SBK1: variants seen among roughly 807,000 people sequenced by gnomAD.
SBK1 encodes the protein SH3 domain binding kinase 1, also known as serine/threonine-protein kinase SBK1.
In SBK1, 11 loss-of-function variants were observed where a neutral mutation model predicts 24.4. That is an observed-to-expected ratio of 0.45 (90% CI 0.28 to 0.75). The LOEUF (loss-of-function observed/expected upper bound fraction) is 0.75, where lower values mean the gene tolerates loss of function less well. Among genes scored for constraint, SBK1 ranks in the 30% least tolerant of loss-of-function variants. The pLI is 0.12. For synonymous variants in SBK1, 308 were observed against 284.4 expected, an observed-to-expected ratio of 1.08 and a Z score of -0.83; for missense variants, 467 against 620.5, an observed-to-expected ratio of 0.75 and a Z score of 2.63.
At chr16:28,303,507 C>CTTTTTTTTTTTTTTTTTTTTTTTTTT (rs143613970) in intron 1 of SBK1, among the ~76,000 whole-genome samples, 9 of 58,078 alleles carry the variant, frequency 1.5e-4, no homozygotes, top group Non-Finnish European at 2.1e-4. Context: ...CTTTTCTTTT[C>CTTTTTTTTTTTTTTTTTTTTTTTTTT]TTTTTTTTTT....
rs796653477 is a variant in SBK1 at position 28,322,947 on chromosome 16, T to G, written c.*2026T>G. ...CTCTCTCTCCCTCTCTCTCTCTCTC[T>G]CTCTCTCTCTCTCTCTCTCTCTCTC... On this transcript the variant is annotated 3_prime_UTR_variant, in exon 4 of 4. Transcript: ENST00000341901. The G allele has an allele frequency of 2.3e-5, 3 of 132,108 alleles. No individual in the cohort carries two copies. The highest frequency in any genetic ancestry group is 2.2e-4 in the East Asian group (1 of 4,488). 8.2% of individuals were successfully genotyped at this position (132,108 alleles called of 1,614,324 possible).
chr16:28,309,392 C>G (rs891959460), intron 1 of SBK1, among the ~76,000 whole-genome samples: 1 of 152,188 alleles, frequency 6.6e-6, no homozygotes, highest in African/African-American at 2.4e-5. Flanking sequence ...AGAGGACACA[C>G]GCGTTGCTGA....
upstream of SBK1, among the ~76,000 whole-genome samples, chr16:28,290,064 T>G: frequency 7.0e-6 from 1 of 143,510 alleles, no homozygotes; most frequent in Admixed American, 7.1e-5. Flanking sequence ...CCAACCTTGG[T>G]GACAAAGTGA....
rs1215781873 is a variant in SBK1, at chr16:28,321,035, G to C, written c.*114G>C. The stretch of plus-strand genomic sequence containing the variant: ...CCGCGGGGCAGGGGGCGCAGCGGTA[G>C]ACTAGGCAGGACGCGGCCCGGCACC... On this transcript the variant is annotated 3_prime_UTR_variant, in exon 4 of 4. Transcript: ENST00000341901. 1 of 992,642 alleles carries C rather than the reference G, an allele frequency of 1.0e-6. No individual in the cohort carries two copies. The highest frequency in any genetic ancestry group is 1.8e-5 in the African/African-American group (1 of 56,688). 61.5% of individuals were successfully genotyped at this position (992,642 alleles called of 1,614,324 possible).
chr16:28,305,733 G>C (rs2044712250), intron 1 of SBK1, among the ~76,000 whole-genome samples: 1 of 151,258 alleles, frequency 6.6e-6, no homozygotes, highest in Non-Finnish European at 1.5e-5. Context: ...GTTTCAACAT[G>C]TTCCACCATG....
intron 1 of SBK1, among the ~76,000 whole-genome samples, chr16:28,307,239 T>C (rs1312043605): frequency 6.6e-6 from 1 of 152,154 alleles, no homozygotes; most frequent in Admixed American, 6.5e-5. Flanking sequence ...AATGAACTCA[T>C]CTAATCCCCA....
At chr16:28,275,931 G>A (rs1383343638) in intron 1 of SBK1, among the ~76,000 whole-genome samples, 3 of 151,744 alleles carry the variant, frequency 2.0e-5, no homozygotes, top group Non-Finnish European at 4.4e-5. Context: ...GGAAGGAAAG[G>A]GTAAAGAAAA....
intron 1 of SBK1, among the ~76,000 whole-genome samples, chr16:28,265,144 C>T (rs957498630): frequency 4.6e-5 from 7 of 151,746 alleles, no homozygotes; most frequent in East Asian, 1.9e-4. Context: ...AGGACTTGTG[C>T]GATGGCTCAC....
rs61561185 is a variant in SBK1 at position 28,300,310 on chromosome 16, TTTTGTTTGTTTG to T, written c.-8+7027_-8+7038del. On this transcript the variant is annotated intron_variant, in intron 1 of 3. Transcript: ENST00000341901. ...ATCACTTAAGCTTCCTATCTCTCTT[TTTTGTTTGTTTG>T]TTTGTTTGTTTGTTTGAGATGGGAT... 1.9e-4 allele frequency among the ~76,000 whole-genome samples: 29 copies of T among 150,648 alleles called. No individual in the cohort carries two copies. The East Asian group carries it at 4.3e-3, about 22-fold the overall frequency.
chr16:28,279,602 G>A (rs540712196), intron 1 of SBK1, among the ~76,000 whole-genome samples: 2 of 152,234 alleles, frequency 1.3e-5, no homozygotes, highest in South Asian at 4.2e-4. Context: ...TCCATCATGG[G>A]AGCCGTGGTT....
At chr16:28,309,365 C>T (rs770323819) in intron 1 of SBK1, among the ~76,000 whole-genome samples, 8 of 152,114 alleles carry the variant, frequency 5.3e-5, no homozygotes, top group Non-Finnish European at 8.8e-5. Flanking sequence ...CTCTCCAGCC[C>T]GACTTTGTAG....
Position 28,318,987 on chromosome 16 carries a change from C to T in SBK1, c.227-8C>T. ...GGGCTTCAACCCTGTTGCTGTTGCT[C>T]CCATCAGGCACAAAAATGGCACTGA... On this transcript the variant is annotated splice_polypyrimidine_tract_variant and splice_region_variant and intron_variant, in intron 2 of 3. Transcript: ENST00000341901. 1.2e-6 allele frequency: 2 copies of T among 1,612,650 alleles called. No individual in the cohort carries two copies. The highest frequency in any genetic ancestry group is 2.2e-5 in the South Asian group (2 of 91,028).
At position 28,317,694 on chromosome 16, in the gene SBK1, C is replaced by A; in HGVS notation, c.226+77C>A. The A allele has an allele frequency of 2.0e-6, 2 of 1,016,930 alleles. No individual in the cohort carries two copies. Among genetic ancestry groups the A allele is most frequent in the Non-Finnish European group, 3.0e-6 (2 of 656,462 alleles). 63.0% of individuals were successfully genotyped at this position (1,016,930 alleles called of 1,614,324 possible). On this transcript the variant is annotated intron_variant, in intron 2 of 3. Transcript: ENST00000341901. This position sits in a 1 kb window ranked among gnomAD's most constrained non-coding sequence, Gnocchi z 4.2. The stretch of plus-strand genomic sequence containing the variant: ...GGAGGTCAGGGTTGGGGGACATGAC[C>A]TTGCAGCTGGGCCGGGGCTCTCTGG...
chr16:28,307,111 C>T lies in SBK1; in HGVS notation c.-7-10274C>T, dbSNP rs868703455. Among the ~76,000 whole-genome samples, 32 of 152,220 alleles carry T rather than the reference C, an allele frequency of 2.1e-4. No individual in the cohort carries two copies. In the South Asian group the frequency reaches 3.5e-3, roughly 17 times the overall value. The stretch of plus-strand genomic sequence containing the variant: ...GGGGGTGGCTGTGAGTAACAGCGGC[C>T]GCTGTGAACAGAGAGGCTGGGGGTG... On this transcript the variant is annotated intron_variant, in intron 1 of 3. Transcript: ENST00000341901.
At chr16:28,310,781 A>G (rs2044748912) in intron 1 of SBK1, among the ~76,000 whole-genome samples, 1 of 152,076 alleles carries the variant, frequency 6.6e-6, no homozygotes. Context: ...TCCTGTGTGA[A>G]TGTTGGTTCC....
Position 28,317,784 on chromosome 16 carries a change from CA to C in SBK1, c.226+168del, listed in dbSNP as rs1285627792. 6.6e-6 allele frequency among the ~76,000 whole-genome samples: 1 copy of C among 151,948 alleles called. No individual in the cohort carries two copies. Among genetic ancestry groups the C allele is most frequent in the Admixed American group, 6.6e-5 (1 of 15,260 alleles). ...GTAGAGGATGAGGCCTGAGGCAGCCCAGGGGGAAAGAGACTGGGCAGATGGG... is the reference window on the plus strand; with the variant it reads ...GTAGAGGATGAGGCCTGAGGCAGCCCGGGGGAAAGAGACTGGGCAGATGGG... On this transcript the variant is annotated intron_variant, in intron 2 of 3. Transcript: ENST00000341901. This position sits in a 1 kb window ranked among gnomAD's most constrained non-coding sequence, Gnocchi z 4.2.
In SBK1 at chr16:28,310,274, A is replaced by G. The variant is rs374017062; in HGVS notation, c.-7-7111A>G. On this transcript the variant is annotated intron_variant, in intron 1 of 3. Transcript: ENST00000341901. Reference sequence around the variant, plus strand: ...TGACAGCCCGGCGTGAACAGAGGTCAGAGAGGCCTCCGCTGCCTGGTGCTG... The same window carrying G: ...TGACAGCCCGGCGTGAACAGAGGTCGGAGAGGCCTCCGCTGCCTGGTGCTG... Among the ~76,000 whole-genome samples the G allele has an allele frequency of 3.9e-5, 6 of 152,342 alleles. No homozygotes were observed. The East Asian group carries it at 9.6e-4, about 24-fold the overall frequency.
At position 28,261,901 on chromosome 16, in the gene SBK1, T is replaced by C. The variant is rs1346019517; in HGVS notation, c.257+2399T>C. Among the ~76,000 whole-genome samples, 3 of 152,134 alleles carry C rather than the reference T, an allele frequency of 2.0e-5. No homozygotes were observed. In the East Asian group the frequency reaches 5.8e-4, roughly 29 times the overall value. ...CCCACCTCTGATTCTGGGGACTCTCTGTAGGGGATGTCTCTCTGCCTCCTG... is the reference window on the plus strand; with the variant it reads ...CCCACCTCTGATTCTGGGGACTCTCCGTAGGGGATGTCTCTCTGCCTCCTG... On this transcript the variant is annotated intron_variant, in intron 1 of 3. Transcript: ENST00000671413.
At chr16:28,299,169 C>A (rs2044662285) in intron 1 of SBK1, among the ~76,000 whole-genome samples, 1 of 152,178 alleles carries the variant, frequency 6.6e-6, no homozygotes, top group African/African-American at 2.4e-5. Flanking sequence ...TGCTTAATCT[C>A]TCTGTGCCTC....
Sources: allele counts gnomAD v4.1 joint callset (sites outside exome capture counted in the v4.1 genomes callset), GRCh38; gene constraint gnomAD v4.1.1; non-coding constraint Gnocchi (gnomAD v3.1); transcripts MANE v1.5; gene names NCBI Gene and HGNC (gene_info 2026-07-23, HGNC 2026-07-21).